SMYD3: variants seen among roughly 807,000 people sequenced by gnomAD.
The protein encoded by SMYD3 is histone-lysine N-methyltransferase SMYD3.
In SMYD3, 36 loss-of-function variants were observed where a neutral mutation model predicts 57.7. The observed-to-expected ratio is 0.62, with a 90% CI of 0.48 to 0.82. The LOEUF (loss-of-function observed/expected upper bound fraction) is 0.82, where lower values mean the gene tolerates loss of function less well. Among genes scored for constraint, SMYD3 ranks in the 40% least tolerant of loss-of-function variants. The pLI, the probability that SMYD3 is intolerant of heterozygous loss-of-function variation, is 0.00. For missense variants in SMYD3, 515 were observed against 538.8 expected (o/e 0.96, Z 0.44); for synonymous variants, 211 against 195.0 (o/e 1.08, Z -0.68).
At chr1:246,374,229 C>T (rs1309756922) in intron 1 of SMYD3, among the ~76,000 whole-genome samples, 2 of 152,214 alleles carry the variant, frequency 1.3e-5, no homozygotes, top group South Asian at 4.1e-4. Flanking sequence ...GGCTAATGAC[C>T]TGTAAACAGG....
chr1:245,758,466 A>T (rs1244744243), intron 11 of SMYD3, among the ~76,000 whole-genome samples: 1 of 151,702 alleles, frequency 6.6e-6, no homozygotes, highest in Non-Finnish European at 1.5e-5. Flanking sequence ...TTTGTTACTG[A>T]TTCATAGGTC....
At chr1:245,915,495 G>A (rs368134398) in intron 8 of SMYD3, 35 bp downstream of exon 8, 57 of 1,340,382 alleles carry the variant, frequency 4.3e-5, no homozygotes, top group Admixed American at 1.0e-4. Context: ...AGATTTTGCC[G>A]TGGAGGTGTT....
intron 1 of SMYD3, among the ~76,000 whole-genome samples, chr1:246,401,091 G>T (rs886562872): frequency 6.6e-6 from 1 of 152,160 alleles, no homozygotes; most frequent in Non-Finnish European, 1.5e-5. Context: ...TATTTCCTTA[G>T]ATTAATTCAG....
intron 8 of SMYD3, among the ~76,000 whole-genome samples, chr1:245,910,495 C>T (rs2054890549): frequency 6.6e-6 from 1 of 152,032 alleles, no homozygotes; most frequent in African/African-American, 2.4e-5. Context: ...ACGAACAAAG[C>T]TGGAGGCATC....
chr1:245,753,199 AACAGAG>A (rs761700831), intron 11 of SMYD3, among the ~76,000 whole-genome samples: 2 of 152,056 alleles, frequency 1.3e-5, no homozygotes, highest in Non-Finnish European at 2.9e-5. Context: ...GGTGGCTAGA[AACAGAG>A]AGGAAATGGG....
intron 5 of SMYD3, among the ~76,000 whole-genome samples, chr1:246,186,355 T>A (rs1397737940): frequency 6.6e-6 from 1 of 152,158 alleles, no homozygotes; most frequent in East Asian, 1.9e-4. Context: ...CAACTGCATT[T>A]TATGGACAAG....
chr1:245,947,000 G>C (rs1002727922), intron 5 of SMYD3, among the ~76,000 whole-genome samples: 2 of 152,196 alleles, frequency 1.3e-5, no homozygotes, highest in African/African-American at 4.8e-5. Flanking sequence ...GAATCTGCCA[G>C]ATCAATTTAG....
chr1:245,788,408 T>C (rs571588185), intron 10 of SMYD3, among the ~76,000 whole-genome samples: 1 of 152,366 alleles, frequency 6.6e-6, no homozygotes, highest in East Asian at 1.9e-4. Context: ...CTACTAAGCG[T>C]TCACATGACT....
intron 5 of SMYD3, among the ~76,000 whole-genome samples, chr1:246,236,805 C>A (rs1308835282): frequency 6.6e-6 from 1 of 152,150 alleles, no homozygotes; most frequent in African/African-American, 2.4e-5. Context: ...AGCCACCATG[C>A]CCAGCCAACC....
intron 5 of SMYD3, among the ~76,000 whole-genome samples, chr1:246,048,948 G>T (rs1028338622): frequency 2.6e-5 from 4 of 152,128 alleles, no homozygotes; most frequent in African/African-American, 9.7e-5. Flanking sequence ...AACAGGAGGC[G>T]ATAGTTATTA....
intron 1 of SMYD3, among the ~76,000 whole-genome samples, chr1:246,429,327 G>T (rs1477375436): frequency 1.3e-5 from 2 of 152,104 alleles, no homozygotes; most frequent in Non-Finnish European, 2.9e-5. Context: ...TTCATCAAAT[G>T]TAAGATGCTA....
At chr1:245,832,858 G>T (rs1012346920) in intron 10 of SMYD3, among the ~76,000 whole-genome samples, 2 of 151,840 alleles carry the variant, frequency 1.3e-5, no homozygotes, top group Non-Finnish European at 2.9e-5. Context: ...TGAATAACGT[G>T]ACTGAAAGGT....
intron 5 of SMYD3, among the ~76,000 whole-genome samples, chr1:246,009,699 G>A (rs2059243314): frequency 6.6e-6 from 1 of 151,606 alleles, no homozygotes; most frequent in Non-Finnish European, 1.5e-5. Flanking sequence ...TTTAAAAAAG[G>A]AGAAAGACAT....
chr1:246,445,041 T>C (rs1010841105), intron 1 of SMYD3, among the ~76,000 whole-genome samples: 28 of 152,192 alleles, frequency 1.8e-4, no homozygotes, highest in Non-Finnish European at 1.6e-4. Flanking sequence ...AGGAGCACTA[T>C]TGATGTTGAT....
chr1:246,385,791 CAGT>C (rs71806291), intron 1 of SMYD3, among the ~76,000 whole-genome samples: 7,492 of 152,202 alleles, frequency 0.049, 629 homozygotes, highest in African/African-American at 0.17. Flanking sequence ...GATTCTAACT[CAGT>C]AGGTCTGAAA....
intron 5 of SMYD3, among the ~76,000 whole-genome samples, chr1:246,030,394 C>T (rs1277962517): frequency 6.6e-6 from 1 of 152,110 alleles, no homozygotes; most frequent in Non-Finnish European, 1.5e-5. Context: ...CAAAGTAGAA[C>T]TTGTGGGTAT....
chr1:245,830,136 G>A (rs1454228202), intron 10 of SMYD3, among the ~76,000 whole-genome samples: 1 of 152,134 alleles, frequency 6.6e-6, no homozygotes, highest in Non-Finnish European at 1.5e-5. Context: ...AAAAAAGATT[G>A]TACATAACAT....
intron 10 of SMYD3, among the ~76,000 whole-genome samples, chr1:245,801,073 T>G (rs1381377923): frequency 6.6e-6 from 1 of 152,246 alleles, no homozygotes; most frequent in Non-Finnish European, 1.5e-5. Context: ...GACTACGTCT[T>G]ATTTGACTTT....
intron 5 of SMYD3, among the ~76,000 whole-genome samples, chr1:246,284,706 G>A (rs997098239): frequency 3.9e-5 from 6 of 152,010 alleles, no homozygotes; most frequent in South Asian, 2.1e-4. Context: ...ATGAGCCACC[G>A]CGCCCAGCCT....
Sources: gnomAD v4.1 joint callset for allele counts (sites outside exome capture counted in the v4.1 genomes callset) on GRCh38, gnomAD v4.1.1 for gene constraint, MANE v1.5 for transcripts, NCBI Gene and HGNC (gene_info 2026-07-23, HGNC 2026-07-21) for gene names.